Variants in CYRIA observed in about 807,000 individuals in gnomAD.
The protein encoded by CYRIA is CYFIP-related Rac1 interactor A.
CYRIA carries 15 observed loss-of-function variants against 43.9 expected under a neutral mutation model. The observed-to-expected ratio is 0.34, with a 90% CI of 0.23 to 0.53. The LOEUF (loss-of-function observed/expected upper bound fraction) is 0.53. Among genes scored for constraint, CYRIA ranks in the 20% least tolerant of loss-of-function variants. CYRIA has a pLI of 0.94. For synonymous variants in CYRIA, 117 were observed against 136.0 expected, an observed-to-expected ratio of 0.86 and a Z score of 0.97; for missense variants, 236 against 394.2, an observed-to-expected ratio of 0.60 and a Z score of 3.40.
At chr2:16,593,623 T>C (rs1668003225) in intron 2 of CYRIA, among the ~76,000 whole-genome samples, 1 of 151,856 alleles carries the variant, frequency 6.6e-6, no homozygotes. Flanking sequence ...TTTAAAAATA[T>C]GGATGGTGTG....
At chr2:16,583,563 A>G (rs2103450528) in intron 3 of CYRIA, among the ~76,000 whole-genome samples, 1 of 152,306 alleles carries the variant, frequency 6.6e-6, no homozygotes, top group East Asian at 1.9e-4. Flanking sequence ...GAATTACTGA[A>G]ACTACTTCAT....
intron 2 of CYRIA, among the ~76,000 whole-genome samples, chr2:16,604,898 T>C (rs945850677): frequency 4.6e-5 from 7 of 152,224 alleles, no homozygotes; most frequent in South Asian, 2.1e-4. Flanking sequence ...GGAAGAAAAC[T>C]GAAGTGGAGT....
intron 1 of CYRIA, among the ~76,000 whole-genome samples, chr2:16,651,942 G>T (rs1345925207): frequency 1.3e-5 from 2 of 152,152 alleles, no homozygotes; most frequent in East Asian, 3.9e-4. Flanking sequence ...AACAACCCCA[G>T]CACCTAAGCA....
At chr2:16,608,374 T>G (rs1327759883) in intron 2 of CYRIA, among the ~76,000 whole-genome samples, 2 of 152,172 alleles carry the variant, frequency 1.3e-5, no homozygotes, top group African/African-American at 4.8e-5. Context: ...AATGCACACA[T>G]GCAGACTGAT....
chr2:16,633,789 G>C (rs1313245112), intron 1 of CYRIA, among the ~76,000 whole-genome samples: 3 of 151,988 alleles, frequency 2.0e-5, no homozygotes, highest in Non-Finnish European at 4.4e-5. Flanking sequence ...ACACACATTT[G>C]ATGATGTGTC....
At chr2:16,604,504 C>A (rs1668321672) in intron 2 of CYRIA, among the ~76,000 whole-genome samples, 1 of 152,232 alleles carries the variant, frequency 6.6e-6, no homozygotes. Context: ...CTCCTGGTCA[C>A]CACAGAACCC....
intron 2 of CYRIA, among the ~76,000 whole-genome samples, chr2:16,597,116 T>A (rs1181425824): frequency 1.8e-4 from 13 of 74,196 alleles, no homozygotes; most frequent in South Asian, 5.8e-4. Flanking sequence ...TAATTTCTGT[T>A]CTTTTACATT....
intron 2 of CYRIA, among the ~76,000 whole-genome samples, chr2:16,619,538 G>T (rs749049600): frequency 9.9e-5 from 15 of 152,160 alleles, no homozygotes; most frequent in Non-Finnish European, 2.1e-4. Flanking sequence ...AGAGAGCTAT[G>T]GTGTAATCCA....
At chr2:16,577,892 CT>C (rs1280144227) in intron 3 of CYRIA, among the ~76,000 whole-genome samples, 1 of 152,228 alleles carries the variant, frequency 6.6e-6, no homozygotes, top group African/African-American at 2.4e-5. Flanking sequence ...CCATCTATGA[CT>C]GCGGGAGGGG....
intron 1 of CYRIA, among the ~76,000 whole-genome samples, chr2:16,662,181 T>A (rs760450698): frequency 6.6e-6 from 1 of 152,198 alleles, no homozygotes; most frequent in Non-Finnish European, 1.5e-5. Context: ...AGCCTGAGCA[T>A]GGGCAATTTT....
intron 1 of CYRIA, among the ~76,000 whole-genome samples, chr2:16,644,201 T>C (rs570397865): frequency 5.4e-4 from 82 of 152,336 alleles, no homozygotes; most frequent in African/African-American, 1.9e-3. Flanking sequence ...ACACAGCTAG[T>C]GCAGTATTGG....
intron 1 of CYRIA, among the ~76,000 whole-genome samples, chr2:16,644,854 C>A (rs1346135614): frequency 1.3e-5 from 2 of 152,124 alleles, no homozygotes; most frequent in Non-Finnish European, 2.9e-5. Context: ...GACAGCCCTG[C>A]CCCACCAACC....
intron 1 of CYRIA, among the ~76,000 whole-genome samples, chr2:16,665,104 G>A (rs1670355586): frequency 6.6e-6 from 1 of 152,228 alleles, no homozygotes; most frequent in African/African-American, 2.4e-5. Context: ...TCTCCTGGCA[G>A]ACAAGACAGG....
rs1666276185 is a variant in CYRIA at position 16,550,713 on chromosome 2, T to C, written c.*2223A>G. 1 of 152,200 alleles carries C rather than the reference T, an allele frequency of 6.6e-6. No homozygotes were observed. The highest frequency in any genetic ancestry group is 2.1e-4 in the South Asian group (1 of 4,834). The allele number at this position is 152,200 out of a possible 1,614,324, so 9.4% of individuals were successfully genotyped here. On this transcript the variant is annotated 3_prime_UTR_variant, in exon 12 of 12. Transcript: ENST00000381323. The stretch of plus-strand genomic sequence containing the variant: ...CTCCATTAGCCAGCTGAGAGTCAGC[T>C]GTGGTAGAGACACACGACATGGGTT...
chr2:16,592,032 G>C (rs1266722124), intron 2 of CYRIA, among the ~76,000 whole-genome samples: 1 of 152,022 alleles, frequency 6.6e-6, no homozygotes, highest in Non-Finnish European at 1.5e-5. Flanking sequence ...CCTGTGGGGA[G>C]GGTCTGGTAG....
chr2:16,604,081 C>T (rs142912331), intron 2 of CYRIA, among the ~76,000 whole-genome samples: 1 of 152,304 alleles, frequency 6.6e-6, no homozygotes, highest in Non-Finnish European at 1.5e-5. Flanking sequence ...GTCAGGCCAG[C>T]GCCTTCATCT....
chr2:16,640,187 C>T (rs1179951108), intron 1 of CYRIA, among the ~76,000 whole-genome samples: 1 of 152,234 alleles, frequency 6.6e-6, no homozygotes, highest in Non-Finnish European at 1.5e-5. Flanking sequence ...AATTTATCAT[C>T]AGCAATCCTA....
intron 10 of CYRIA, among the ~76,000 whole-genome samples, chr2:16,557,118 A>G (rs1199827658): frequency 6.6e-6 from 1 of 152,190 alleles, no homozygotes; most frequent in Non-Finnish European, 1.5e-5. Context: ...AATTGAAAAC[A>G]CCATCTCCCC....
intron 4 of CYRIA, 23 bp downstream of exon 4, chr2:16,565,623 G>T: frequency 1.9e-6 from 3 of 1,542,492 alleles, no homozygotes; most frequent in South Asian, 1.2e-5. Flanking sequence ...GGTGTTGTCA[G>T]TTCAGCGTGA....
Sources: allele counts gnomAD v4.1 joint callset (sites outside exome capture counted in the v4.1 genomes callset), GRCh38; gene constraint gnomAD v4.1.1; transcripts MANE v1.5; gene names NCBI Gene and HGNC (gene_info 2026-07-23, HGNC 2026-07-21).